Variants in CACNG5 observed in about 807,000 individuals in gnomAD.
CACNG5 encodes the protein calcium voltage-gated channel auxiliary subunit gamma 5.
In CACNG5, 18 loss-of-function variants were observed where a neutral mutation model predicts 24.8. The observed-to-expected ratio is 0.73, with a 90% CI of 0.50 to 1.08. The LOEUF is 1.08. CACNG5 is among the 50% of genes least tolerant of loss of function. The pLI is 0.00. For synonymous variants in CACNG5, 157 were observed against 149.1 expected, an observed-to-expected ratio of 1.05 and a Z score of -0.39; for missense variants, 349 against 367.9, an observed-to-expected ratio of 0.95 and a Z score of 0.42.
intron 1 of CACNG5, among the ~76,000 whole-genome samples, chr17:66,860,132 A>AT (rs1976833591): frequency 6.6e-6 from 1 of 152,170 alleles, no homozygotes; most frequent in African/African-American, 2.4e-5. Flanking sequence ...AAGCTTACCT[A>AT]TGCAACCCCA....
Position 66,880,633 on chromosome 17 carries a change from C to T in CACNG5, c.360C>T (p.Ile120=), listed in dbSNP as rs368963780. The change falls in exon 4 of 6, where the codon ATC becomes ATT. Residue 120 remains isoleucine (I), a synonymous_variant. Coordinates refer to ENST00000533854, the MANE Select transcript of CACNG5 (RefSeq NM_145811.3). Reference sequence around the variant, plus strand: ...TCATTGGGTTTATCCTGAACAACATCGGACACATCCGTCCCCACCGGACGA... The same window carrying T: ...TCATTGGGTTTATCCTGAACAACATTGGACACATCCGTCCCCACCGGACGA... ...FMFIGFILNN[I]GHIRPHRTIL... 4.4e-5 allele frequency: 71 copies of T among 1,614,180 alleles called. No individual in the cohort carries two copies. The highest frequency in any genetic ancestry group is 2.7e-4 in the East Asian group (12 of 44,890).
Position 66,877,489 on chromosome 17 carries a change from T to TC in CACNG5, c.160dup (p.Leu54ProfsTer14), listed in dbSNP as rs1211439279. 3.7e-6 allele frequency: 6 copies of TC among 1,613,654 alleles called. No homozygotes were observed. The highest frequency in any genetic ancestry group is 5.1e-6 in the Non-Finnish European group (6 of 1,179,950). On this transcript the variant is annotated frameshift_variant, in exon 2 of 6. Coordinates refer to ENST00000533854, the MANE Select transcript of CACNG5 (RefSeq NM_145811.3). LOFTEE classifies it high-confidence loss of function. Reference sequence around the variant, plus strand: ...GAACCAGAGCACCGAGATCAAGATGTCCCTGCACTCAGGCCTCTGGCGGGT... The same window carrying TC: ...GAACCAGAGCACCGAGATCAAGATGTCCCCTGCACTCAGGCCTCTGGCGGGT...
At chr17:66,835,444 A>T (rs1374919005) in intron 1 of CACNG5, among the ~76,000 whole-genome samples, 194 bp downstream of exon 1, 1 of 152,122 alleles carries the variant, frequency 6.6e-6, no homozygotes, top group African/African-American at 2.4e-5. Flanking sequence ...GGGCGTGTGT[A>T]TGCGCGTGTG....
intron 1 of CACNG5, among the ~76,000 whole-genome samples, chr17:66,836,620 G>T (rs1488665322): frequency 6.6e-6 from 1 of 152,170 alleles, no homozygotes; most frequent in Non-Finnish European, 1.5e-5. Flanking sequence ...GAGGTAGCTG[G>T]GGGACACCTC....
At chr17:66,880,466 G>A in intron 3 of CACNG5, 91 bp from the exon 4 acceptor site, 1 of 1,524,568 alleles carries the variant, frequency 6.6e-7, no homozygotes, top group Non-Finnish European at 9.0e-7. Context: ...AGGACCAGTT[G>A]GTAGACACTG....
intron 4 of CACNG5, among the ~76,000 whole-genome samples, chr17:66,883,847 T>C (rs1186207384): frequency 6.6e-6 from 1 of 152,288 alleles, no homozygotes; most frequent in East Asian, 1.9e-4. Context: ...CTTAAGAAAA[T>C]GCAGTGCCAG....
intron 1 of CACNG5, among the ~76,000 whole-genome samples, chr17:66,841,961 A>AGCCT (rs1160528378): frequency 6.6e-6 from 1 of 152,220 alleles, no homozygotes; most frequent in Non-Finnish European, 1.5e-5. Flanking sequence ...GGCACCACTG[A>AGCCT]GCAGATGGAG....
At chr17:66,858,684 T>G (rs867869183) in intron 1 of CACNG5, among the ~76,000 whole-genome samples, 1 of 73,816 alleles carries the variant, frequency 1.4e-5, no homozygotes, top group Non-Finnish European at 2.8e-5. Context: ...CCCCCCTCCC[T>G]CCCCCCACCT....
chr17:66,836,051 T>C (rs1472220753), intron 1 of CACNG5, among the ~76,000 whole-genome samples: 2 of 152,090 alleles, frequency 1.3e-5, no homozygotes, highest in African/African-American at 4.8e-5. Context: ...GAGAAATAAT[T>C]CCGGGAGCCT....
chr17:66,885,170 A>G lies in CACNG5; in HGVS notation c.758A>G (p.Gln253Arg). ...PSDISSEASL[Q>R]MNSNYPALLK... ...GACATCTCCAGCGAGGCCTCCCTGC[A>G]GATGAACAGCAACTACCCCGCCTTG... is the stretch of plus-strand genomic sequence containing the variant. Residue 253 changes from glutamine (Q) to arginine (R), a missense_variant, in exon 6 of 6, where the codon CAG becomes CGG. Transcript: ENST00000533854. 2.5e-6 allele frequency: 4 copies of G among 1,612,392 alleles called. No individual in the cohort carries two copies. The highest frequency in any genetic ancestry group is 2.5e-6 in the Non-Finnish European group (3 of 1,179,922).
chr17:66,841,282 C>G (rs1421968648), intron 1 of CACNG5, among the ~76,000 whole-genome samples: 1 of 152,124 alleles, frequency 6.6e-6, no homozygotes, highest in South Asian at 2.1e-4. Flanking sequence ...TTGGCCGTTC[C>G]AAAAGAGGCA....
intron 3 of CACNG5, among the ~76,000 whole-genome samples, chr17:66,880,185 G>T (rs986193327): frequency 6.6e-6 from 1 of 151,992 alleles, no homozygotes; most frequent in East Asian, 1.9e-4. Context: ...TGGTGAATCT[G>T]CCTGGAAGAG....
At position 66,885,323 on chromosome 17, in the gene CACNG5, T is replaced by C; in HGVS notation, c.*83T>C. 2 of 1,483,722 alleles carry C rather than the reference T, an allele frequency of 1.3e-6. No individual in the cohort carries two copies. Among genetic ancestry groups the C allele is most frequent in the Non-Finnish European group, 1.8e-6 (2 of 1,118,264 alleles). 91.9% of individuals were successfully genotyped at this position (1,483,722 alleles called of 1,614,324 possible). A position where few individuals can be genotyped will look rare whatever the true frequency, so the allele number is the denominator to read the frequency against. Reference sequence around the variant, plus strand: ...CCAGGTGACCCCTGAGCCCCAGGCCTGTGGTTGACAGGCCCAGGCCACCCA... The same window carrying C: ...CCAGGTGACCCCTGAGCCCCAGGCCCGTGGTTGACAGGCCCAGGCCACCCA... On this transcript the variant is annotated 3_prime_UTR_variant, in exon 6 of 6. Coordinates refer to ENST00000533854, the MANE Select transcript of CACNG5 (RefSeq NM_145811.3).
rs755332057 is a variant in CACNG5, at chr17:66,884,625, G to A, written c.534G>A (p.Ser178=). The A allele has an allele frequency of 4.9e-5, 79 of 1,614,056 alleles. No individual in the cohort carries two copies. Among genetic ancestry groups the A allele is most frequent in the South Asian group, 7.7e-5 (7 of 91,088 alleles). ...ACTTCAACTACAAGTATGGGTGGTC[G>A]TTTGCCTTCGCCGCCATCTCCTTCC... The part of the protein sequence containing the change: ...ETYFNYKYGW[S]FAFAAISFLL... The change falls in exon 5 of 6, where the codon TCG becomes TCA. Residue 178 remains serine, a synonymous_variant. Coordinates refer to ENST00000533854, the MANE Select transcript of CACNG5 (RefSeq NM_145811.3).
intron 1 of CACNG5, among the ~76,000 whole-genome samples, chr17:66,840,488 G>A (rs1598042615): frequency 6.6e-6 from 1 of 152,070 alleles, no homozygotes; most frequent in South Asian, 2.1e-4. Context: ...TTGAGCAGGG[G>A]CAGCCAGCAC....
At chr17:66,859,768 G>A (rs78075825) in intron 1 of CACNG5, among the ~76,000 whole-genome samples, 172 of 152,180 alleles carry the variant, frequency 1.1e-3, no homozygotes, top group African/African-American at 3.7e-3. Context: ...GGCTGGGCAT[G>A]ATCAAGAATA....
intron 1 of CACNG5, among the ~76,000 whole-genome samples, chr17:66,873,065 C>G (rs747049715): frequency 6.6e-6 from 1 of 152,150 alleles, no homozygotes; most frequent in South Asian, 2.1e-4. Context: ...CTGTGCTTTC[C>G]TGTAGGCTAC....
At chr17:66,837,534 T>G (rs1167149185) in intron 1 of CACNG5, among the ~76,000 whole-genome samples, 1 of 152,202 alleles carries the variant, frequency 6.6e-6, no homozygotes, top group Non-Finnish European at 1.5e-5. Context: ...GAATTGGGAC[T>G]AGCTACTTAA....
chr17:66,838,960 CT>C lies in CACNG5; in HGVS notation c.-104+3729del, dbSNP rs71160595. Among the ~76,000 whole-genome samples, 42 of 88,098 alleles carry C rather than the reference CT, an allele frequency of 4.8e-4. 1 individual carries two copies. The highest frequency in any genetic ancestry group is 8.7e-4 in the East Asian group (3 of 3,434). 57.8% of individuals were successfully genotyped at this position (88,098 alleles called of 152,430 possible). On this transcript the variant is annotated intron_variant, in intron 1 of 5. Coordinates refer to ENST00000533854, the MANE Select transcript of CACNG5 (RefSeq NM_145811.3). Reference sequence around the variant, plus strand: ...GTAGCACCCCAGTCCCTCACCCATTCTTTTTTTTTTTTTTTTTTTGAGACAG... The same window carrying C: ...GTAGCACCCCAGTCCCTCACCCATTCTTTTTTTTTTTTTTTTTTGAGACAG...
Sources: allele counts gnomAD v4.1 joint callset (sites outside exome capture counted in the v4.1 genomes callset), GRCh38; gene constraint gnomAD v4.1.1; transcripts MANE v1.5; gene names NCBI Gene and HGNC (gene_info 2026-07-23, HGNC 2026-07-21).